Variants in NAA60 observed in about 807,000 individuals in gnomAD.
The protein encoded by NAA60 is N-alpha-acetyltransferase 60.
Under a neutral mutation model 26.1 loss-of-function variants are expected in NAA60, and 8 were observed. That is an observed-to-expected ratio of 0.31 (90% confidence interval 0.18 to 0.55). NAA60 has a LOEUF of 0.55. Ranked by LOEUF, NAA60 falls within the 20% of genes least tolerant of loss-of-function variation. The pLI is 0.93. For missense variants in NAA60, 290 were observed against 311.3 expected (o/e 0.93, Z 0.51); for synonymous variants, 131 against 122.5 (o/e 1.07, Z -0.46).
At chr16:3,483,323 A>G in intron 5 of NAA60, 40 bp from the exon 6 acceptor site, 2 of 1,467,870 alleles carry the variant, frequency 1.4e-6, no homozygotes, top group Non-Finnish European at 9.4e-7. Context: ...CTTCCTTCCT[A>G]ACTGCTCTGC....
intron 2 of NAA60, chr16:3,467,626 G>A (rs2035849992): frequency 6.6e-6 from 1 of 152,178 alleles, no homozygotes; most frequent in South Asian, 2.1e-4. Context: ...TCATGAGGGT[G>A]TCAGGAAACC....
At chr16:3,474,854 A>G (rs919075248) in intron 2 of NAA60, among the ~76,000 whole-genome samples, 1 of 152,242 alleles carries the variant, frequency 6.6e-6, no homozygotes, top group Non-Finnish European at 1.5e-5. Flanking sequence ...ATTCTTCTGT[A>G]AAGAACTTTC....
intron 3 of NAA60, among the ~76,000 whole-genome samples, chr16:3,476,982 G>A (rs960736099): frequency 8.6e-5 from 13 of 151,970 alleles, no homozygotes; most frequent in South Asian, 2.1e-4. Flanking sequence ...TGGAGGTTGC[G>A]GTGAGCCGAG....
intron 2 of NAA60, among the ~76,000 whole-genome samples, chr16:3,453,595 A>G (rs528054675): frequency 9.9e-5 from 15 of 151,900 alleles, no homozygotes; most frequent in Non-Finnish European, 2.1e-4. Flanking sequence ...TTTAGTAGAG[A>G]TGGGGTTTCT....
chr16:3,476,558 TG>T (rs1023142389), intron 3 of NAA60, among the ~76,000 whole-genome samples: 2 of 152,336 alleles, frequency 1.3e-5, no homozygotes, highest in South Asian at 2.1e-4. Context: ...AGAAGGGCTC[TG>T]TGAGAAATTT....
chr16:3,473,443 C>G (rs2036277008), intron 2 of NAA60, among the ~76,000 whole-genome samples: 1 of 152,188 alleles, frequency 6.6e-6, no homozygotes, highest in Admixed American at 6.5e-5. Context: ...TCTCGTGGGA[C>G]TTATTCACTA....
intron 2 of NAA60, among the ~76,000 whole-genome samples, chr16:3,456,152 TGTTGTTACTTA>T (rs2034983591): frequency 6.6e-6 from 1 of 152,258 alleles, no homozygotes; most frequent in Admixed American, 6.5e-5. Flanking sequence ...GTTGTTACTC[TGTTGTTACTTA>T]GGGAGTGTTT....
intron 2 of NAA60, chr16:3,458,098 C>G (rs892535548): frequency 3.1e-4 from 308 of 985,172 alleles, no homozygotes; most frequent in Non-Finnish European, 3.7e-4. Flanking sequence ...GCGGGCTCCG[C>G]GCGGTCCCAC....
chr16:3,476,445 T>C (rs1330043003), intron 3 of NAA60, 108 bp downstream of exon 3: 8 of 913,708 alleles, frequency 8.8e-6, no homozygotes, highest in Non-Finnish European at 1.3e-5. Flanking sequence ...GCTGCAAAGA[T>C]GGGAATGGCC....
At chr16:3,456,411 A>G (rs1485899385) in intron 2 of NAA60, among the ~76,000 whole-genome samples, 1 of 151,980 alleles carries the variant, frequency 6.6e-6, no homozygotes, top group Non-Finnish European at 1.5e-5. Flanking sequence ...CCAGTGGGAA[A>G]GGGGAGAGGA....
At chr16:3,448,405 C>T (rs955332861) in intron 1 of NAA60, 66 bp from the exon 2 acceptor site, 1 of 1,349,374 alleles carries the variant, frequency 7.4e-7, no homozygotes, top group African/African-American at 1.4e-5. Flanking sequence ...CACTCATTAG[C>T]CTATGAGTTG....
chr16:3,448,423 G>T (rs557074675), intron 1 of NAA60, 48 bp from the exon 2 acceptor site: 38 of 1,468,270 alleles, frequency 2.6e-5, no homozygotes, highest in Non-Finnish European at 3.4e-5. Flanking sequence ...TTGTAGAGAT[G>T]GGATGGCCAG....
chr16:3,479,187 C>A (rs2036673320), intron 3 of NAA60, among the ~76,000 whole-genome samples: 1 of 152,164 alleles, frequency 6.6e-6, no homozygotes, highest in Non-Finnish European at 1.5e-5. Flanking sequence ...TTGCAGTGAG[C>A]CGAGATCACG....
chr16:3,450,242 T>C, intron 2 of NAA60: 1 of 325,190 alleles, frequency 3.1e-6, no homozygotes, highest in Non-Finnish European at 5.6e-6. Flanking sequence ...TGGGGTGGTC[T>C]GGAGGCCTCT....
At chr16:3,453,703 C>A (rs1177794701) in intron 2 of NAA60, among the ~76,000 whole-genome samples, 2 of 152,140 alleles carry the variant, frequency 1.3e-5, no homozygotes, top group African/African-American at 4.8e-5. Context: ...CCACTGCACC[C>A]AGCTAATAAT....
At chr16:3,485,194 C>G (rs1208529599) in intron 7 of NAA60, 133 bp downstream of exon 7, 1 of 705,734 alleles carries the variant, frequency 1.4e-6, no homozygotes, top group African/African-American at 1.7e-5. Context: ...ACCTTATGCA[C>G]CAGCACAGCC....
In NAA60 at chr16:3,484,900, G is replaced by A. The variant is rs572818406; in HGVS notation, c.*45G>A. ...ACCAGGCCCCACCCTTCGGCCGCCC[G>A]CAGAGCCCGCCTTCCTGTCCATCTG... On this transcript the variant is annotated 3_prime_UTR_variant, in exon 7 of 8. Transcript: ENST00000407558. 72 of 1,548,366 alleles carry A rather than the reference G, an allele frequency of 4.7e-5. No homozygotes were observed. Among genetic ancestry groups the A allele is most frequent in the Non-Finnish European group, 6.2e-5 (71 of 1,146,988 alleles).
intron 2 of NAA60, among the ~76,000 whole-genome samples, chr16:3,460,784 A>G (rs2035338844): frequency 6.6e-6 from 1 of 152,204 alleles, no homozygotes; most frequent in Non-Finnish European, 1.5e-5. Context: ...TAAAATGCTG[A>G]TCTGCAAAAA....
intron 3 of NAA60, among the ~76,000 whole-genome samples, chr16:3,477,179 A>T (rs1596345952): frequency 6.6e-6 from 1 of 152,200 alleles, no homozygotes; most frequent in South Asian, 2.1e-4. Flanking sequence ...GGTGAAAAAA[A>T]TTTTACAAGG....
Sources: gnomAD v4.1 joint callset for allele counts (sites outside exome capture counted in the v4.1 genomes callset) on GRCh38, gnomAD v4.1.1 for gene constraint, MANE v1.5 for transcripts, NCBI Gene and HGNC (gene_info 2026-07-23, HGNC 2026-07-21) for gene names.